FOXK2: variants seen among roughly 807,000 people sequenced by gnomAD.
The protein encoded by FOXK2 is forkhead box protein K2.
Under a neutral mutation model 53.3 loss-of-function variants are expected in FOXK2, and 24 were observed. The observed-to-expected ratio is 0.45, with a 90% confidence interval of 0.33 to 0.63. The LOEUF is 0.63. Ranked by LOEUF, FOXK2 falls within the 30% of genes least tolerant of loss-of-function variation. The probability of loss-of-function intolerance (pLI) is 0.03; values close to 1 mark genes in which losing one functional copy is unlikely to be tolerated. For missense variants in FOXK2, 952 were observed against 910.5 expected (o/e 1.05, Z -0.59); for synonymous variants, 505 against 407.1 (o/e 1.24, Z -2.89).
At chr17:82,573,574 A>T (rs935606863) in intron 4 of FOXK2, among the ~76,000 whole-genome samples, 4 of 137,990 alleles carry the variant, frequency 2.9e-5, no homozygotes, top group South Asian at 2.6e-4. Flanking sequence ...ACACACACAC[A>T]CACACACACA....
chr17:82,520,483 G>GC (rs2044349895), intron 1 of FOXK2, among the ~76,000 whole-genome samples, 176 bp downstream of exon 1: 1 of 152,092 alleles, frequency 6.6e-6, no homozygotes. Context: ...ACAGCCCCTG[G>GC]CCCCGACCCC....
chr17:82,576,689 G>C, intron 4 of FOXK2: 2 of 1,088,616 alleles, frequency 1.8e-6, no homozygotes, highest in East Asian at 2.4e-5. Context: ...CACTGCTTAA[G>C]TCTAGTCCTC....
chr17:82,532,600 T>C (rs760729502), intron 1 of FOXK2, among the ~76,000 whole-genome samples: 4 of 152,228 alleles, frequency 2.6e-5, no homozygotes, highest in Non-Finnish European at 5.9e-5. Context: ...TTGTTGTTTT[T>C]TTCTGAGACT....
chr17:82,560,712 A>G (rs1220218591), intron 1 of FOXK2, among the ~76,000 whole-genome samples: 2 of 152,294 alleles, frequency 1.3e-5, no homozygotes, highest in Admixed American at 6.5e-5. Context: ...TCATTTATAG[A>G]CGAGATCAGG....
intron 8 of FOXK2, chr17:82,588,146 T>C (rs1448499641): frequency 1.3e-5 from 2 of 152,302 alleles, no homozygotes; most frequent in Non-Finnish European, 2.9e-5. Flanking sequence ...AAGAACAAGG[T>C]CTGGAACCTT....
intron 2 of FOXK2, 110 bp from the exon 3 acceptor site, chr17:82,567,944 T>TAAA: frequency 1.8e-6 from 1 of 543,140 alleles, no homozygotes; most frequent in South Asian, 4.7e-5. Context: ...TTTTTTTTTT[T>TAAA]TTTTAACATT....
At chr17:82,564,443 C>T (rs1164389112) in intron 2 of FOXK2, among the ~76,000 whole-genome samples, 1 of 151,594 alleles carries the variant, frequency 6.6e-6, no homozygotes, top group Non-Finnish European at 1.5e-5. Flanking sequence ...GCTGTGTTGC[C>T]CAGGATGAAC....
At chr17:82,583,539 C>G (rs908100402) in intron 5 of FOXK2, among the ~76,000 whole-genome samples, 6 of 152,260 alleles carry the variant, frequency 3.9e-5, no homozygotes, top group African/African-American at 1.4e-4. Flanking sequence ...AACAGCGAAA[C>G]TCCGTCTCAA....
intron 1 of FOXK2, among the ~76,000 whole-genome samples, chr17:82,537,098 TG>T (rs2044527874): frequency 6.6e-6 from 1 of 152,172 alleles, no homozygotes; most frequent in Non-Finnish European, 1.5e-5. Context: ...AGGTTCTTGC[TG>T]CTGGATCCAC....
Position 82,563,553 on chromosome 17 carries a change from G to T in FOXK2, c.614+5G>T, listed in dbSNP as rs572639784. The T allele has an allele frequency of 4.3e-6, 7 of 1,611,100 alleles. No individual in the cohort carries two copies. The African/African-American group carries it at 5.3e-5, about 12-fold the overall frequency. ...CTCCCCCACGGGAACCATCAGGTGC[G>T]GCCATGGGGATGGGGGACTGGAGCA... On this transcript the variant is annotated splice_donor_5th_base_variant and intron_variant, in intron 2 of 8. Transcript: ENST00000335255.
At chr17:82,587,502 A>G (rs1029370742) in intron 8 of FOXK2, 1 of 556,348 alleles carries the variant, frequency 1.8e-6, no homozygotes, top group Non-Finnish European at 3.2e-6. Flanking sequence ...TTTCTAATAC[A>G]TTGAGAGGGA....
chr17:82,541,022 C>T (rs1195721392), intron 1 of FOXK2, among the ~76,000 whole-genome samples: 3 of 152,104 alleles, frequency 2.0e-5, no homozygotes, highest in African/African-American at 7.2e-5. Flanking sequence ...GCTGCTGCTT[C>T]ATTGTCCTTG....
chr17:82,546,322 G>T (rs1445434296), intron 1 of FOXK2, among the ~76,000 whole-genome samples: 5 of 151,932 alleles, frequency 3.3e-5, no homozygotes, highest in Non-Finnish European at 7.4e-5. Flanking sequence ...TCGCCGTGTT[G>T]GCCAGGCTGG....
At chr17:82,589,507 T>TC (rs2045232190) in intron 8 of FOXK2, among the ~76,000 whole-genome samples, 1 of 152,236 alleles carries the variant, frequency 6.6e-6, no homozygotes, top group African/African-American at 2.4e-5. Context: ...AAGATGCCTT[T>TC]CTTAGTGTAT....
intron 8 of FOXK2, 65 bp downstream of exon 8, chr17:82,587,337 C>G: frequency 4.6e-6 from 6 of 1,291,848 alleles, no homozygotes; most frequent in Non-Finnish European, 6.7e-6. Context: ...CCTTCTCACT[C>G]GTGGTTTCGG....
chr17:82,554,478 G>A (rs1027751318), intron 1 of FOXK2, among the ~76,000 whole-genome samples: 6 of 152,118 alleles, frequency 3.9e-5, no homozygotes, highest in African/African-American at 1.4e-4. Flanking sequence ...GCTGGGAGAA[G>A]GATGTTTGCG....
chr17:82,591,638 C>G (rs1221064500), intron 8 of FOXK2, among the ~76,000 whole-genome samples: 2 of 152,228 alleles, frequency 1.3e-5, no homozygotes, highest in Non-Finnish European at 2.9e-5. Context: ...TCTGGAAACG[C>G]TCCCAAGTCT....
chr17:82,538,178 G>A (rs1436345692), intron 1 of FOXK2, among the ~76,000 whole-genome samples: 2 of 151,900 alleles, frequency 1.3e-5, no homozygotes, highest in East Asian at 1.9e-4. Context: ...AGCCGAGATC[G>A]TGCCATTGCA....
At chr17:82,552,142 G>T (rs549114773) in intron 1 of FOXK2, among the ~76,000 whole-genome samples, 2 of 152,250 alleles carry the variant, frequency 1.3e-5, no homozygotes, top group Admixed American at 1.3e-4. Flanking sequence ...CTGGCCACAG[G>T]CCTAGACTAG....
Sources: allele counts gnomAD v4.1 joint callset (sites outside exome capture counted in the v4.1 genomes callset), GRCh38; gene constraint gnomAD v4.1.1; transcripts MANE v1.5; gene names NCBI Gene and HGNC (gene_info 2026-07-23, HGNC 2026-07-21).